DDX10: variants seen among roughly 807,000 people sequenced by gnomAD.
DDX10 encodes DEAD-box helicase 10.
Under a neutral mutation model 104.3 loss-of-function variants are expected in DDX10, and 74 were observed. The observed-to-expected ratio is 0.71, with a 90% confidence interval of 0.59 to 0.86. The LOEUF (loss-of-function observed/expected upper bound fraction) is 0.86, where lower values mean the gene tolerates loss of function less well. DDX10 is among the 40% of genes least tolerant of loss of function. The probability of loss-of-function intolerance (pLI) is 0.00; values close to 1 mark genes in which losing one functional copy is unlikely to be tolerated. For missense variants in DDX10, 952 were observed against 1,040.0 expected, an observed-to-expected ratio of 0.92 and a Z score of 1.16; for synonymous variants, 351 against 353.4, an observed-to-expected ratio of 0.99 and a Z score of 0.08.
At chr11:108,702,254 CAAT>C (rs761027281) in intron 9 of DDX10, among the ~76,000 whole-genome samples, 231 of 152,184 alleles carry the variant, frequency 1.5e-3, no homozygotes, top group Middle Eastern at 3.4e-3. Flanking sequence ...AGATTCTAGA[CAAT>C]AATGACAAAA....
intron 16 of DDX10, among the ~76,000 whole-genome samples, chr11:108,890,619 G>A (rs1203841836): frequency 1.3e-5 from 2 of 150,476 alleles, no homozygotes; most frequent in Non-Finnish European, 2.9e-5. Context: ...TCAGAAACCC[G>A]TGGAGAGCTC....
intron 12 of DDX10, among the ~76,000 whole-genome samples, chr11:108,722,114 T>C (rs1282531821): frequency 6.6e-6 from 1 of 152,216 alleles, no homozygotes; most frequent in Non-Finnish European, 1.5e-5. Context: ...TTAAATCATA[T>C]TCGTAAGATC....
intron 16 of DDX10, among the ~76,000 whole-genome samples, chr11:108,874,046 C>T (rs556958032): frequency 1.3e-5 from 2 of 152,020 alleles, no homozygotes; most frequent in Admixed American, 6.5e-5. Context: ...GCAAGATTGC[C>T]GTGAGTCAGA....
At chr11:108,772,129 G>A (rs1007796065) in intron 13 of DDX10, among the ~76,000 whole-genome samples, 8 of 152,232 alleles carry the variant, frequency 5.3e-5, no homozygotes, top group African/African-American at 1.9e-4. Context: ...TGCAGCAGAA[G>A]TGCTTTATGC....
At chr11:108,757,045 T>C (rs1241233300) in intron 13 of DDX10, among the ~76,000 whole-genome samples, 1 of 152,082 alleles carries the variant, frequency 6.6e-6, no homozygotes, top group Non-Finnish European at 1.5e-5. Context: ...TCTGAGTCTG[T>C]GTTAAACTTT....
intron 13 of DDX10, among the ~76,000 whole-genome samples, chr11:108,760,365 G>C (rs1406813778): frequency 6.6e-6 from 1 of 151,954 alleles, no homozygotes; most frequent in Non-Finnish European, 1.5e-5. Flanking sequence ...GAGAAGGCAG[G>C]GAAGGACATG....
chr11:108,816,713 C>T (rs568670570), intron 13 of DDX10, among the ~76,000 whole-genome samples: 127 of 152,080 alleles, frequency 8.4e-4, no homozygotes, highest in Middle Eastern at 6.8e-3. Flanking sequence ...CCACCAGGCC[C>T]GGCTAATTTT....
chr11:108,689,052 G>A lies in DDX10; in HGVS notation c.965G>A (p.Ser322Asn). 6.2e-7 allele frequency: 1 copy of A among 1,613,960 alleles called. No homozygotes were observed. The highest frequency in any genetic ancestry group is 8.5e-7 in the Non-Finnish European group (1 of 1,179,930). Residue 322 changes from serine to asparagine, a missense_variant, in exon 7 of 18, where the codon AGT becomes AAT. Coordinates refer to ENST00000322536, the MANE Select transcript of DDX10 (RefSeq NM_004398.4). ...LKKKSIVFFS[S>N]CKEVQYLYRV... Reference sequence around the variant, plus strand: ...AAGAAGAGCATTGTATTTTTTTCCAGTTGCAAAGAGGTATTGGCTGTTTAT... The same window carrying A: ...AAGAAGAGCATTGTATTTTTTTCCAATTGCAAAGAGGTATTGGCTGTTTAT...
At chr11:108,744,047 T>A (rs577270320) in intron 13 of DDX10, among the ~76,000 whole-genome samples, 18 of 152,208 alleles carry the variant, frequency 1.2e-4, no homozygotes, top group Non-Finnish European at 2.5e-4. Context: ...TTATATGTTC[T>A]TGCCAACAGT....
intron 13 of DDX10, among the ~76,000 whole-genome samples, chr11:108,732,482 A>G (rs971620290): frequency 4.6e-5 from 7 of 152,330 alleles, no homozygotes; most frequent in African/African-American, 1.4e-4. Flanking sequence ...CTTGGAGTAT[A>G]AAATGAATGT....
chr11:108,873,795 G>A (rs1464995256), intron 16 of DDX10, among the ~76,000 whole-genome samples: 1 of 152,140 alleles, frequency 6.6e-6, no homozygotes, highest in African/African-American at 2.4e-5. Context: ...GCAATACAAA[G>A]CTACTTATGA....
chr11:108,839,079 C>T, intron 14 of DDX10, among the ~76,000 whole-genome samples: 1 of 152,216 alleles, frequency 6.6e-6, no homozygotes, highest in East Asian at 1.9e-4. Context: ...ATTGTAAATA[C>T]ATACCCATAG....
At chr11:108,897,630 G>A (rs1024202551) in intron 16 of DDX10, among the ~76,000 whole-genome samples, 6 of 151,924 alleles carry the variant, frequency 3.9e-5, no homozygotes, top group African/African-American at 7.3e-5. Context: ...CAGGGGACCC[G>A]AGGCAGGTAG....
chr11:108,837,642 T>TTTTTTTTA (rs1862575101), intron 13 of DDX10, among the ~76,000 whole-genome samples: 2 of 116,268 alleles, frequency 1.7e-5, no homozygotes, highest in African/African-American at 6.8e-5. Context: ...TTTTTTTTTT[T>TTTTTTTTA]AGGCAAAGCC....
intron 16 of DDX10, among the ~76,000 whole-genome samples, chr11:108,877,356 A>G (rs1863166973): frequency 6.6e-6 from 1 of 152,178 alleles, no homozygotes; most frequent in Non-Finnish European, 1.5e-5. Flanking sequence ...TAAGTTGTGT[A>G]TATTTATAGT....
At chr11:108,715,990 C>T (rs965772326) in intron 11 of DDX10, 24 bp downstream of exon 11, 14 of 1,187,442 alleles carry the variant, frequency 1.2e-5, no homozygotes, top group Non-Finnish European at 1.6e-5. Flanking sequence ...CAGTTGGATA[C>T]TTTCATTGAC....
At chr11:108,727,252 C>T (rs994392906) in intron 13 of DDX10, among the ~76,000 whole-genome samples, 1 of 151,892 alleles carries the variant, frequency 6.6e-6, no homozygotes, top group African/African-American at 2.4e-5. Context: ...GTTTGAATCT[C>T]TTTTTGATTC....
intron 6 of DDX10, among the ~76,000 whole-genome samples, chr11:108,684,141 CT>C (rs56168476): frequency 0.16 from 5,003 of 31,240 alleles, 371 homozygotes; most frequent in South Asian, 0.34. Context: ...ATTTCCAGTT[CT>C]TTTTTTTTTT....
chr11:108,914,613 T>C lies in DDX10; in HGVS notation c.2305-3260T>C, dbSNP rs990547368. Among the ~76,000 whole-genome samples, 3 of 152,142 alleles carry C rather than the reference T, an allele frequency of 2.0e-5. 1 individual carries two copies. The South Asian group carries it at 6.2e-4, about 32-fold the overall frequency. On this transcript the variant is annotated intron_variant, in intron 16 of 17. Coordinates refer to ENST00000322536, the MANE Select transcript of DDX10 (RefSeq NM_004398.4). Reference sequence around the variant, plus strand: ...GATAGAATCTAGTGTTTCGGTAATATGTTATCTACAATCTCCAGTTTTCTA... The same window carrying C: ...GATAGAATCTAGTGTTTCGGTAATACGTTATCTACAATCTCCAGTTTTCTA...
Sources: gnomAD v4.1 joint callset for allele counts (sites outside exome capture counted in the v4.1 genomes callset) on GRCh38, gnomAD v4.1.1 for gene constraint, MANE v1.5 for transcripts, NCBI Gene and HGNC (gene_info 2026-07-23, HGNC 2026-07-21) for gene names.